The following KDM2A variants were observed in gnomAD, a reference collection of about 807,000 sequenced individuals.
The protein encoded by KDM2A is lysine-specific demethylase 2A.
In KDM2A, 3 loss-of-function variants were observed where a neutral mutation model predicts 137.3. The observed-to-expected ratio is 0.02, with a 90% CI of 0.01 to 0.06. KDM2A has a LOEUF of 0.06. Among genes scored for constraint, KDM2A ranks in the 10% least tolerant of loss-of-function variants. KDM2A has a pLI of 1.00. For missense variants in KDM2A, 738 were observed against 1,510.6 expected (o/e 0.49, Z 8.48); for synonymous variants, 512 against 541.5 (o/e 0.95, Z 0.76).
At chr11:67,207,156 C>T (rs1054821561) in intron 5 of KDM2A, among the ~76,000 whole-genome samples, 1 of 152,148 alleles carries the variant, frequency 6.6e-6, no homozygotes, top group African/African-American at 2.4e-5. Flanking sequence ...GAGCCTGCCC[C>T]GGTTCTTTTC....
rs545622556 is a variant in KDM2A, at chr11:67,195,262, G to A, written c.308-12248G>A. On this transcript the variant is annotated intron_variant, in intron 5 of 20. Coordinates refer to ENST00000529006, the MANE Select transcript of KDM2A (RefSeq NM_012308.3). ...CGCATGCCTATAGTCCCAGCTACCC[G>A]AGAGGCTAAGGCAGGAGAATCACTT... Among the ~76,000 whole-genome samples, 21 of 149,606 alleles carry A rather than the reference G, an allele frequency of 1.4e-4. 1 individual carries two copies. Among genetic ancestry groups the A allele is most frequent in the Admixed American group, 1.2e-3 (17 of 14,654 alleles).
intron 12 of KDM2A, among the ~76,000 whole-genome samples, chr11:67,233,778 A>T (rs1367119362): frequency 6.6e-6 from 1 of 151,838 alleles, no homozygotes; most frequent in Non-Finnish European, 1.5e-5. Context: ...TTAAATATTA[A>T]GCAGAGTCAG....
chr11:67,229,308 C>T (rs908368705), intron 11 of KDM2A, among the ~76,000 whole-genome samples: 1 of 152,184 alleles, frequency 6.6e-6, no homozygotes, highest in Non-Finnish European at 1.5e-5. Context: ...CAGCTTAAAC[C>T]AGGTTGGTCA....
intron 2 of KDM2A, among the ~76,000 whole-genome samples, chr11:67,169,721 C>G (rs1180492044): frequency 8.0e-6 from 1 of 125,340 alleles, no homozygotes; most frequent in Non-Finnish European, 1.8e-5. Context: ...TTTCTTCTCT[C>G]TCTCTCTCTC....
rs748570776 is a variant in KDM2A, at chr11:67,228,067, T to C, written c.988T>C (p.Tyr330His). 8.7e-6 allele frequency: 14 copies of C among 1,613,182 alleles called. No homozygotes were observed. The Admixed American group carries it at 1.0e-4, about 12-fold the overall frequency. The part of the protein sequence containing the change: ...VPNKFRYPFY[Y>H]EMCWYVLERY... ...AAATAAGTTTCGCTATCCATTCTAC[T>C]ATGAGATGTGTTGGTATGTGTTGGA... is the stretch of plus-strand genomic sequence containing the variant. Residue 330 changes from tyrosine (Y) to histidine (H), a missense_variant, in exon 11 of 21, where the codon TAT becomes CAT. Tyr to His is a moderately conservative substitution (Grantham distance 83, BLOSUM62 2). Transcript: ENST00000529006.
At chr11:67,194,415 G>A (rs1857432071) in intron 5 of KDM2A, among the ~76,000 whole-genome samples, 1 of 152,254 alleles carries the variant, frequency 6.6e-6, no homozygotes, top group African/African-American at 2.4e-5. Flanking sequence ...TGTGTCAATG[G>A]CACATCTGAA....
intron 2 of KDM2A, among the ~76,000 whole-genome samples, chr11:67,165,418 A>G (rs1052527513): frequency 3.9e-5 from 6 of 152,124 alleles, no homozygotes; most frequent in Admixed American, 3.9e-4. Flanking sequence ...CACCGCACCC[A>G]GCTTAGAATA....
intron 2 of KDM2A, among the ~76,000 whole-genome samples, chr11:67,163,854 TAAA>T (rs200466687): frequency 1.4e-5 from 2 of 138,606 alleles, no homozygotes; most frequent in Non-Finnish European, 3.2e-5. Context: ...CACTCCATCT[TAAA>T]AAAAAAAAAA....
chr11:67,234,307 A>G (rs1047388494), intron 12 of KDM2A, among the ~76,000 whole-genome samples: 1 of 152,206 alleles, frequency 6.6e-6, no homozygotes, highest in African/African-American at 2.4e-5. Flanking sequence ...ACTGATGGCT[A>G]TACTTCAGTG....
chr11:67,228,251 G>T (rs1479035299), intron 11 of KDM2A, 88 bp downstream of exon 11: 1 of 1,412,750 alleles, frequency 7.1e-7, no homozygotes, highest in African/African-American at 1.4e-5. Context: ...CACTCAATAT[G>T]TTCTTGGTTT....
At chr11:67,182,829 G>A (rs528703194) in intron 5 of KDM2A, among the ~76,000 whole-genome samples, 5 of 152,176 alleles carry the variant, frequency 3.3e-5, no homozygotes, top group African/African-American at 4.8e-5. Flanking sequence ...CACTGCACCC[G>A]GCTGGAATAA....
At chr11:67,122,643 T>TTTTATTTATTTA (rs561153207) in intron 2 of KDM2A, among the ~76,000 whole-genome samples, 6 of 144,574 alleles carry the variant, frequency 4.2e-5, no homozygotes, top group South Asian at 2.2e-4. Flanking sequence ...TTTTATTTAT[T>TTTTATTTATTTA]TTTATTTATT....
At position 67,237,907 on chromosome 11, in the gene KDM2A, G is replaced by A. The variant is rs118066315; in HGVS notation, c.1480-5102G>A. On this transcript the variant is annotated intron_variant, in intron 12 of 20. Transcript: ENST00000529006. ...TGCACTTTAGCCTGGGCAACAAAGC[G>A]AGACCCTGTCTGAAAAAAAAAAAAA... is the stretch of plus-strand genomic sequence containing the variant. Among the ~76,000 whole-genome samples the A allele has an allele frequency of 1.1e-3, 170 of 150,800 alleles. 2 individuals are homozygous for A. The East Asian group carries it at 0.029, about 26-fold the overall frequency.
rs1449469868 is a variant in KDM2A at position 67,254,435 on chromosome 11, G to T, written c.3307+17G>T. The T allele has an allele frequency of 6.2e-7, 1 of 1,609,552 alleles. No homozygotes were observed. The highest frequency in any genetic ancestry group is 1.7e-5 in the Admixed American group (1 of 60,034). ...ATATGGCAGGTATGCCGCTACAGTTGTTCATAATCAGCGGTGCCCCCTGCC... is the reference window on the plus strand; with the variant it reads ...ATATGGCAGGTATGCCGCTACAGTTTTTCATAATCAGCGGTGCCCCCTGCC... On this transcript the variant is annotated intron_variant, in intron 20 of 20. Coordinates refer to ENST00000529006, the MANE Select transcript of KDM2A (RefSeq NM_012308.3). The surrounding 1 kb of genome is among the most constrained non-coding windows in gnomAD (Gnocchi z 4.7).
intron 3 of KDM2A, chr11:67,180,474 C>T: frequency 3.1e-6 from 1 of 327,748 alleles, no homozygotes; most frequent in Non-Finnish European, 5.5e-6. Context: ...ACGGCCTCTT[C>T]CTCCTTCTTC....
At chr11:67,248,225 T>C in intron 15 of KDM2A, 56 bp from the exon 16 acceptor site, 2 of 1,260,444 alleles carry the variant, frequency 1.6e-6, no homozygotes, top group South Asian at 2.6e-5. Context: ...TGTGTTATTG[T>C]TGGATAAAGG....
intron 2 of KDM2A, among the ~76,000 whole-genome samples, chr11:67,178,005 T>C (rs1168848298): frequency 2.0e-5 from 3 of 152,232 alleles, no homozygotes; most frequent in African/African-American, 7.2e-5. Context: ...GAAATGTCAT[T>C]ATACTGTGCA....
rs188124002 is a variant in KDM2A, at chr11:67,177,247, C to G, written c.43-2832C>G. 6.0e-3 allele frequency among the ~76,000 whole-genome samples: 912 copies of G among 152,216 alleles called. 14 individuals carry two copies. Among genetic ancestry groups the G allele is most frequent in the African/African-American group, 0.021 (858 of 41,542 alleles). On this transcript the variant is annotated intron_variant, in intron 2 of 20. Coordinates refer to ENST00000529006, the MANE Select transcript of KDM2A (RefSeq NM_012308.3). The stretch of plus-strand genomic sequence containing the variant: ...CTCCATTGCACTCCAGCCTGGGCAA[C>G]AGAGCAAGACTCCGTCTCAAAAAAA...
intron 5 of KDM2A, among the ~76,000 whole-genome samples, chr11:67,195,234 T>C (rs1327866453): frequency 1.3e-5 from 2 of 151,992 alleles, no homozygotes; most frequent in South Asian, 2.1e-4. Flanking sequence ...CCGGGCGTGG[T>C]GGCGCATGCC....
Sources: gnomAD v4.1 joint callset for allele counts (sites outside exome capture counted in the v4.1 genomes callset) on GRCh38, gnomAD v4.1.1 for gene constraint, Gnocchi (gnomAD v3.1) non-coding constraint, MANE v1.5 for transcripts, NCBI Gene and HGNC (gene_info 2026-07-23, HGNC 2026-07-21) for gene names.